The following ARHGEF4 variants were observed in gnomAD, a reference collection of about 807,000 sequenced individuals.
ARHGEF4 encodes the protein Rho guanine nucleotide exchange factor 4.
In ARHGEF4, 119 loss-of-function variants were observed where a neutral mutation model predicts 162.0. The ratio of observed to expected loss-of-function variants is 0.73; its 90% CI spans 0.63 to 0.86. ARHGEF4 has a LOEUF of 0.86. ARHGEF4 is among the 40% of genes least tolerant of loss of function. The probability of loss-of-function intolerance (pLI) is 0.00; values close to 1 mark genes in which losing one functional copy is unlikely to be tolerated. For synonymous variants in ARHGEF4, 1,014 were observed against 979.9 expected (o/e 1.03, Z -0.65); for missense variants, 2,488 against 2,456.0 (o/e 1.01, Z -0.28).
At chr2:131,045,470 C>T (rs760011219) in intron 13 of ARHGEF4, 24 bp downstream of exon 13, 3 of 1,613,446 alleles carry the variant, frequency 1.9e-6, no homozygotes, top group Non-Finnish European at 2.5e-6. Context: ...AGCCCCACCT[C>T]CTCGGCTGCC....
chr2:130,883,125 A>T (rs1679300482), intron 1 of ARHGEF4, among the ~76,000 whole-genome samples: 1 of 151,994 alleles, frequency 6.6e-6, no homozygotes, highest in Non-Finnish European at 1.5e-5. Flanking sequence ...AAGGAGCGAG[A>T]TGCCAGAACC....
chr2:131,034,160 T>G (rs1347264841), intron 5 of ARHGEF4, among the ~76,000 whole-genome samples: 1 of 152,162 alleles, frequency 6.6e-6, no homozygotes, highest in Non-Finnish European at 1.5e-5. Flanking sequence ...ACATTCCCTC[T>G]GTGCGCCCCT....
chr2:130,891,071 C>T (rs1679836492), intron 1 of ARHGEF4, among the ~76,000 whole-genome samples: 1 of 152,134 alleles, frequency 6.6e-6, no homozygotes, highest in Admixed American at 6.5e-5. Flanking sequence ...CTCCACAGCA[C>T]ACAATGTAGA....
Position 130,916,425 on chromosome 2 carries a change from TCAGGCCCCGAGGGGCTCCC to T in ARHGEF4, c.2484_2502del (p.Pro829ArgfsTer89), listed in dbSNP as rs1368342139. ...CACCGAGGGTCGCCGCTGGGGCTCT[TCAGGCCCCGAGGGGCTCCC>T]CAGGGAGAATCCGCCCGCTGCGGCC... On this transcript the variant is annotated frameshift_variant, in exon 2 of 14. Transcript: ENST00000409359. LOFTEE classifies it high-confidence loss of function. 1 of 1,536,212 alleles carries T rather than the reference TCAGGCCCCGAGGGGCTCCC, an allele frequency of 6.5e-7. No individual in the cohort carries two copies. Among genetic ancestry groups the T allele is most frequent in the Non-Finnish European group, 8.7e-7 (1 of 1,143,966 alleles).
intron 1 of ARHGEF4, among the ~76,000 whole-genome samples, chr2:130,879,945 T>G (rs1003783821): frequency 6.6e-6 from 1 of 152,174 alleles, no homozygotes; most frequent in Non-Finnish European, 1.5e-5. Context: ...TTTTTAAGGC[T>G]GAATAATATT....
intron 1 of ARHGEF4, among the ~76,000 whole-genome samples, chr2:130,850,914 T>G (rs1355513377): frequency 6.6e-6 from 1 of 152,244 alleles, no homozygotes; most frequent in Admixed American, 6.5e-5. Flanking sequence ...AGGGAGAGGC[T>G]TCTGTCCCAT....
intron 5 of ARHGEF4, among the ~76,000 whole-genome samples, chr2:131,033,716 C>G (rs13389963): frequency 0.099 from 15,067 of 152,178 alleles, 1,112 homozygotes; most frequent in African/African-American, 0.21. Flanking sequence ...AGCAAACCTG[C>G]AGACCAGCGT....
At chr2:130,893,798 C>A (rs1680000142) in intron 1 of ARHGEF4, among the ~76,000 whole-genome samples, 2 of 152,356 alleles carry the variant, frequency 1.3e-5, no homozygotes, top group Non-Finnish European at 2.9e-5. Flanking sequence ...CCTAAGGAGG[C>A]TCTTGTCACT....
chr2:130,853,872 T>C (rs1318766805), intron 1 of ARHGEF4, among the ~76,000 whole-genome samples: 1 of 152,160 alleles, frequency 6.6e-6, no homozygotes, highest in African/African-American at 2.4e-5. Flanking sequence ...GATATTGTAG[T>C]GAGCTTAGTT....
intron 13 of ARHGEF4, 44 bp downstream of exon 13, chr2:131,045,490 C>T: frequency 6.2e-7 from 1 of 1,613,608 alleles, no homozygotes; most frequent in East Asian, 2.2e-5. Context: ...CCGGTCCTTA[C>T]CCTGCTGACA....
chr2:130,986,134 ATTGT>A (rs1686480609), intron 4 of ARHGEF4, among the ~76,000 whole-genome samples: 4 of 147,038 alleles, frequency 2.7e-5, no homozygotes, highest in African/African-American at 5.1e-5. Context: ...GCATGTGTAT[ATTGT>A]TTGTGTGCAT....
intron 1 of ARHGEF4, among the ~76,000 whole-genome samples, chr2:130,877,625 G>A (rs1212723268): frequency 6.6e-6 from 1 of 152,078 alleles, no homozygotes; most frequent in Admixed American, 6.5e-5. Context: ...AATGCAGCCT[G>A]GGTGACAGAC....
At chr2:130,981,748 G>GTGT (rs1686137701) in intron 4 of ARHGEF4, among the ~76,000 whole-genome samples, 1 of 151,872 alleles carries the variant, frequency 6.6e-6, no homozygotes, top group African/African-American at 2.4e-5. Flanking sequence ...GGAGGCTGCA[G>GTGT]TGTTACCCAG....
At chr2:131,004,879 G>T (rs1355353164) in intron 4 of ARHGEF4, among the ~76,000 whole-genome samples, 2 of 152,208 alleles carry the variant, frequency 1.3e-5, no homozygotes, top group Non-Finnish European at 2.9e-5. Flanking sequence ...CCCATGGCAG[G>T]TACAGGAGCA....
At position 130,915,972 on chromosome 2, in the gene ARHGEF4, G is replaced by A; in HGVS notation, c.2026G>A (p.Glu676Lys). Residue 676 changes from glutamate (E) to lysine (K), a missense_variant, in exon 2 of 14, where the codon GAG (glutamate) becomes AAG (lysine). Glu to Lys is a moderately conservative substitution (Grantham distance 56). Coordinates refer to ENST00000409359, the MANE Select transcript of ARHGEF4 (RefSeq NM_001367493.1). ...SPLSTGETPCESPTRGKTPAG... is the reference protein window; with the variant it reads ...SPLSTGETPCKSPTRGKTPAG... ...CTTGAGCACTGGCGAGACCCCCTGTGAGTCTCCCACTAGGGGGAAAACACC... is the reference window on the plus strand; with the variant it reads ...CTTGAGCACTGGCGAGACCCCCTGTAAGTCTCCCACTAGGGGGAAAACACC... 6.4e-7 allele frequency: 1 copy of A among 1,550,536 alleles called. No homozygotes were observed. Among genetic ancestry groups the A allele is most frequent in the Non-Finnish European group, 8.7e-7 (1 of 1,146,966 alleles).
chr2:130,865,918 C>G (rs1466586590), intron 1 of ARHGEF4, among the ~76,000 whole-genome samples: 1 of 152,150 alleles, frequency 6.6e-6, no homozygotes, highest in African/African-American at 2.4e-5. Flanking sequence ...GACTCACACC[C>G]CATTCTCCTG....
rs1284463022 is a variant in ARHGEF4 at position 130,915,308 on chromosome 2, G to A, written c.1362G>A (p.Val454=). Residue 454 remains valine, a synonymous_variant, in exon 2 of 14, where the codon GTG becomes GTA. Transcript: ENST00000409359. ...SELVKLSAEE[V]PEPAECKSEQ... ...TAGTGAAGCTCAGTGCAGAGGAAGT[G>A]CCTGAGCCCGCTGAGTGCAAGTCAG... 1.9e-6 allele frequency: 3 copies of A among 1,550,648 alleles called. No individual in the cohort carries two copies. The highest frequency in any genetic ancestry group is 1.2e-5 in the South Asian group (1 of 84,048).
chr2:130,976,796 A>G (rs367574276), intron 4 of ARHGEF4, among the ~76,000 whole-genome samples: 3 of 152,302 alleles, frequency 2.0e-5, no homozygotes, highest in East Asian at 3.9e-4. Flanking sequence ...CCTCGCCTGC[A>G]GAGAGCCCAG....
At chr2:130,955,576 AC>A (rs1024644505) in intron 4 of ARHGEF4, among the ~76,000 whole-genome samples, 1 of 152,148 alleles carries the variant, frequency 6.6e-6, no homozygotes, top group African/African-American at 2.4e-5. Flanking sequence ...CAGTGGCTTT[AC>A]TAGGGCTCTC....
Sources: allele counts gnomAD v4.1 joint callset (sites outside exome capture counted in the v4.1 genomes callset), GRCh38; gene constraint gnomAD v4.1.1; transcripts MANE v1.5; gene names NCBI Gene and HGNC (gene_info 2026-07-23, HGNC 2026-07-21).